Variants in ADGRL4 observed in about 807,000 individuals in gnomAD.
ADGRL4 encodes adhesion G protein-coupled receptor L4, also known as EGF, latrophilin and seven transmembrane domain containing 1.
ADGRL4 carries 90 observed loss-of-function variants against 74.8 expected under a neutral mutation model. That is an observed-to-expected ratio of 1.20 (90% CI 1.02 to 1.43). ADGRL4 has a LOEUF of 1.43. ADGRL4 is among the 40% of genes most tolerant of loss of function. The probability of loss-of-function intolerance (pLI) is 0.00; values close to 1 mark genes in which losing one functional copy is unlikely to be tolerated. For synonymous variants in ADGRL4, 311 were observed against 279.2 expected, an observed-to-expected ratio of 1.11 and a Z score of -1.14; for missense variants, 881 against 814.3, an observed-to-expected ratio of 1.08 and a Z score of -1.00.
intron 2 of ADGRL4, among the ~76,000 whole-genome samples, chr1:78,957,507 A>G (rs1395733326): frequency 4.6e-5 from 7 of 152,236 alleles, no homozygotes; most frequent in Admixed American, 4.6e-4. Context: ...AGTTGTCTGC[A>G]TATAAGAACA....
At chr1:78,952,050 T>A (rs538274711) in intron 2 of ADGRL4, among the ~76,000 whole-genome samples, 193 of 152,282 alleles carry the variant, frequency 1.3e-3, no homozygotes, top group Non-Finnish European at 2.2e-3. Flanking sequence ...TATTTCATTT[T>A]TTTAATCTAT....
chr1:78,969,704 TGG>T lies in ADGRL4; in HGVS notation c.173-23280_173-23279del, dbSNP rs1243972875. 1.5e-3 allele frequency among the ~76,000 whole-genome samples: 172 copies of T among 115,766 alleles called. 1 individual carries two copies. The highest frequency in any genetic ancestry group is 5.7e-3 in the African/African-American group (167 of 29,276). 75.9% of individuals were successfully genotyped at this position (115,766 alleles called of 152,430 possible). On this transcript the variant is annotated intron_variant, in intron 2 of 14. Transcript: ENST00000370742. ...GACTCAGTCCTTTGATGATGATTTG[TGG>T]GTTTTTTTTTTTTTTTAACAAAAAT...
At position 78,933,624 on chromosome 1, in the gene ADGRL4, G is replaced by A. The variant is rs919093895; in HGVS notation, c.877+2671C>T. 6.6e-5 allele frequency among the ~76,000 whole-genome samples: 10 copies of A among 151,314 alleles called. 1 individual carries two copies. Among genetic ancestry groups the A allele is most frequent in the African/African-American group, 2.0e-4 (8 of 40,704 alleles). On this transcript the variant is annotated intron_variant, in intron 7 of 14. Transcript: ENST00000370742. The stretch of plus-strand genomic sequence containing the variant: ...GAAATAGAGGGTATTCAAATAGGAA[G>A]AGAGGAAGTCAAATTGTCTCTGTTT...
intron 2 of ADGRL4, among the ~76,000 whole-genome samples, chr1:78,960,177 A>C (rs1570255510): frequency 6.6e-6 from 1 of 152,328 alleles, no homozygotes; most frequent in African/African-American, 2.4e-5. Flanking sequence ...CATTGTATTA[A>C]GTATTTTACA....
intron 2 of ADGRL4, among the ~76,000 whole-genome samples, chr1:78,979,300 TTTAGC>T (rs2100724575): frequency 6.6e-6 from 1 of 152,124 alleles, no homozygotes; most frequent in Admixed American, 6.6e-5. Context: ...GTCCGTTCCC[TTTAGC>T]TTGGTATTGA....
chr1:78,933,131 G>T (rs982092284), intron 7 of ADGRL4, among the ~76,000 whole-genome samples: 3 of 151,512 alleles, frequency 2.0e-5, no homozygotes, highest in Admixed American at 1.3e-4. Flanking sequence ...AACAATAAAA[G>T]AAAACTTCAG....
At chr1:78,979,730 T>A (rs1650362620) in intron 2 of ADGRL4, among the ~76,000 whole-genome samples, 1 of 151,764 alleles carries the variant, frequency 6.6e-6, no homozygotes, top group Admixed American at 6.6e-5. Flanking sequence ...AAAAAAGAAA[T>A]GAAATAATGT....
rs149947516 is a variant in ADGRL4 at position 78,979,313 on chromosome 1, T to C, written c.172+25757A>G. Among the ~76,000 whole-genome samples the C allele has an allele frequency of 9.2e-5, 14 of 152,108 alleles. No homozygotes were observed. In the East Asian group the frequency reaches 2.7e-3, roughly 29 times the overall value. ...AAGTCCGTTCCCTTTAGCTTGGTAT[T>C]GAAATCCCTTCCTGATTCAGCACAT... On this transcript the variant is annotated intron_variant, in intron 2 of 14. Coordinates refer to ENST00000370742, the MANE Select transcript of ADGRL4 (RefSeq NM_022159.4).
At chr1:78,897,821 A>G (rs1648429729) in intron 12 of ADGRL4, among the ~76,000 whole-genome samples, 1 of 152,170 alleles carries the variant, frequency 6.6e-6, no homozygotes, top group Non-Finnish European at 1.5e-5. Flanking sequence ...CCCTAATGTC[A>G]TATTAAAATA....
chr1:78,987,085 T>A (rs977861641), intron 2 of ADGRL4, among the ~76,000 whole-genome samples: 4 of 151,922 alleles, frequency 2.6e-5, no homozygotes, highest in Middle Eastern at 3.4e-3. Flanking sequence ...TCAGATAATT[T>A]TTTTTACCAA....
chr1:78,972,856 C>T (rs571895590), intron 2 of ADGRL4, among the ~76,000 whole-genome samples: 1 of 152,160 alleles, frequency 6.6e-6, no homozygotes, highest in Non-Finnish European at 1.5e-5. Context: ...TCTGTTGTTG[C>T]TGCATATCCC....
intron 12 of ADGRL4, among the ~76,000 whole-genome samples, chr1:78,903,733 A>G (rs1217774954): frequency 2.0e-5 from 3 of 151,976 alleles, no homozygotes; most frequent in Non-Finnish European, 4.4e-5. Flanking sequence ...CAAGAGATTG[A>G]GACCATCTTG....
intron 2 of ADGRL4, among the ~76,000 whole-genome samples, chr1:78,953,555 T>A (rs940461649): frequency 4.6e-5 from 7 of 152,218 alleles, no homozygotes; most frequent in Admixed American, 6.5e-5. Flanking sequence ...TCTAACCTGC[T>A]AGAGAAACCG....
chr1:78,969,706 GGT>G (rs1650131449), intron 2 of ADGRL4, among the ~76,000 whole-genome samples: 1 of 111,956 alleles, frequency 8.9e-6, no homozygotes, highest in South Asian at 2.7e-4. Flanking sequence ...ATGATTTGTG[GGT>G]TTTTTTTTTT....
intron 12 of ADGRL4, among the ~76,000 whole-genome samples, chr1:78,903,975 A>AAATAAAT (rs1553133188): frequency 2.8e-5 from 3 of 108,048 alleles, no homozygotes; most frequent in African/African-American, 9.5e-5. Context: ...ATAAATAAAT[A>AAATAAAT]AATAATAATA....
Position 78,938,200 on chromosome 1 carries a change from A to G in ADGRL4, c.476T>C (p.Ile159Thr), listed in dbSNP as rs770287608. Residue 159 changes from isoleucine (I) to threonine (T), a missense_variant, in exon 5 of 15, where the codon ATA (isoleucine) becomes ACA (threonine). Transcript: ENST00000370742. ...NSVTDLSPTD[I>T]ITYIEILAES... ...AGCTAATATTTCTATATATGTAATT[A>G]TATCTGTTGGTGAAAGATCTGTCAC... The G allele has an allele frequency of 6.8e-6, 11 of 1,611,644 alleles. No individual in the cohort carries two copies. The highest frequency in any genetic ancestry group is 4.4e-5 in the South Asian group (4 of 90,416).
rs370467385 is a variant in ADGRL4 at position 78,976,845 on chromosome 1, A to C, written c.172+28225T>G. On this transcript the variant is annotated intron_variant, in intron 2 of 14. Coordinates refer to ENST00000370742, the MANE Select transcript of ADGRL4 (RefSeq NM_022159.4). ...AAATGGCTTCAATGGTGAATTTTCC[A>C]AACATTTAAGAAAAAAATACTAACT... Among the ~76,000 whole-genome samples, 6 of 151,388 alleles carry C rather than the reference A, an allele frequency of 4.0e-5. 1 individual carries two copies. Among genetic ancestry groups the C allele is most frequent in the African/African-American group, 1.4e-4 (6 of 41,502 alleles).
rs1356439504 is a variant in ADGRL4 at position 79,005,312 on chromosome 1, CTCTT to C, written c.23-97_23-94del. 1.9e-5 allele frequency: 19 copies of C among 1,012,702 alleles called. No homozygotes were observed. In the African/African-American group the frequency reaches 3.2e-4, roughly 17 times the overall value. 62.7% of individuals were successfully genotyped at this position (1,012,702 alleles called of 1,614,324 possible). A position where few individuals can be genotyped will look rare whatever the true frequency, so the allele number is the denominator to read the frequency against. On this transcript the variant is annotated intron_variant, in intron 1 of 14. Transcript: ENST00000370742. ...GAGTATAATAAACATAAATTATCCT[CTCTT>C]TCTATTTAGATAAATGGATTATAAA...
rs1648244287 is a variant in ADGRL4 at position 78,890,438 on chromosome 1, C to T, written c.*716G>A. ...GTAAGGAAATAGTATATATCTCAGT[C>T]TAACCTTAGAAACAGATTTTTTTCA... is the stretch of plus-strand genomic sequence containing the variant. On this transcript the variant is annotated 3_prime_UTR_variant, in exon 15 of 15. Transcript: ENST00000370742. 1 of 149,186 alleles carries T rather than the reference C, an allele frequency of 6.7e-6. No homozygotes were observed. The highest frequency in any genetic ancestry group is 1.5e-5 in the Non-Finnish European group (1 of 67,584). 9.2% of individuals were successfully genotyped at this position (149,186 alleles called of 1,614,324 possible). A position where few individuals can be genotyped will look rare whatever the true frequency, so the allele number is the denominator to read the frequency against.
Sources: allele counts gnomAD v4.1 joint callset (sites outside exome capture counted in the v4.1 genomes callset), GRCh38; gene constraint gnomAD v4.1.1; transcripts MANE v1.5; gene names NCBI Gene and HGNC (gene_info 2026-07-23, HGNC 2026-07-21).